LTBP1: variants seen among roughly 807,000 people sequenced by gnomAD.
The protein encoded by LTBP1 is latent-transforming growth factor beta-binding protein 1.
LTBP1 carries 129 observed loss-of-function variants against 207.6 expected under a neutral mutation model. The ratio of observed to expected loss-of-function variants is 0.62; its 90% CI spans 0.54 to 0.72. The LOEUF (loss-of-function observed/expected upper bound fraction) is 0.72. LTBP1 is among the 30% of genes least tolerant of loss of function. LTBP1 has a pLI of 0.00. For missense variants in LTBP1, 2,281 were observed against 2,217.2 expected, an observed-to-expected ratio of 1.03 and a Z score of -0.58; for synonymous variants, 963 against 833.7, an observed-to-expected ratio of 1.16 and a Z score of -2.67.
At chr2:33,179,815 T>C (rs2086437391) in intron 5 of LTBP1, among the ~76,000 whole-genome samples, 1 of 152,182 alleles carries the variant, frequency 6.6e-6, no homozygotes, top group African/African-American at 2.4e-5. Context: ...GATTCAGATC[T>C]GCCTGGGTCC....
intron 2 of LTBP1, among the ~76,000 whole-genome samples, chr2:32,959,499 A>G (rs150024358): frequency 1.3e-3 from 198 of 149,482 alleles, no homozygotes; most frequent in East Asian, 4.5e-3. Context: ...GACAATTCCA[A>G]TGTGGCTTTT....
chr2:32,947,565 T>C lies in LTBP1; in HGVS notation c.241T>C (p.Ser81Pro), dbSNP rs1480139862. 13 of 1,347,666 alleles carry C rather than the reference T, an allele frequency of 9.6e-6. No homozygotes were observed. Among genetic ancestry groups the C allele is most frequent in the Non-Finnish European group, 1.1e-5 (12 of 1,052,900 alleles). 83.5% of individuals were successfully genotyped at this position (1,347,666 alleles called of 1,614,324 possible). A position where few individuals can be genotyped will look rare whatever the true frequency, so the allele number is the denominator to read the frequency against. Reference sequence around the variant, plus strand: ...CAGCCGTGCCTCCCCCGGGGTCCCCTCGGAGAGGACCCGGCGCACGAGCAA... The same window carrying C: ...CAGCCGTGCCTCCCCCGGGGTCCCCCCGGAGAGGACCCGGCGCACGAGCAA... ...APSRASPGVP[S>P]ERTRRTSKPG... The change falls in exon 1 of 34, where the codon TCG (serine) becomes CCG (proline). Residue 81 changes from serine (S) to proline (P), a missense_variant. Around this residue, in one of 3 missense-constraint regions of LTBP1, gnomAD observed 555 missense variants for 491.0 expected, o/e 1.13. Transcript: ENST00000404816.
chr2:33,389,231 C>T lies in LTBP1; in HGVS notation c.4759C>T (p.Pro1587Ser). The change falls in exon 32 of 34, where the codon CCA becomes TCA. Residue 1587 changes from proline to serine, a missense_variant. Pro to Ser is a moderately conservative substitution (Grantham distance 74). Transcript: ENST00000404816. ...CATCCCCGTGACGGGACGCCGGCAG[C>T]CATATGGACGGGACGCCTTGGTTGA... ...CNIPVTGRRQPYGRDALVDFS... is the reference protein window; with the variant it reads ...CNIPVTGRRQSYGRDALVDFS... 6.2e-7 allele frequency: 1 copy of T among 1,614,080 alleles called. No homozygotes were observed.
intron 2 of LTBP1, among the ~76,000 whole-genome samples, chr2:33,008,984 C>T (rs988204160): frequency 1.3e-5 from 2 of 152,092 alleles, no homozygotes; most frequent in African/African-American, 4.8e-5. Context: ...CAAGGGAGTG[C>T]AAGGAAATGA....
At chr2:33,047,831 G>A (rs1170293923) in intron 3 of LTBP1, among the ~76,000 whole-genome samples, 1 of 152,102 alleles carries the variant, frequency 6.6e-6, no homozygotes, top group Admixed American at 6.5e-5. Context: ...AGGTTAGTTA[G>A]CTCTTCTTGT....
intron 2 of LTBP1, among the ~76,000 whole-genome samples, chr2:32,957,018 A>G (rs1240774956): frequency 6.6e-6 from 1 of 152,246 alleles, no homozygotes; most frequent in Admixed American, 6.5e-5. Context: ...TCAGTTAACC[A>G]TGCTGTAAAC....
intron 4 of LTBP1, among the ~76,000 whole-genome samples, chr2:33,121,656 C>T (rs1187044504): frequency 6.6e-6 from 1 of 152,200 alleles, no homozygotes; most frequent in Non-Finnish European, 1.5e-5. Flanking sequence ...CTGGCTGGAG[C>T]GCGCATCTGC....
intron 24 of LTBP1, among the ~76,000 whole-genome samples, chr2:33,321,754 G>A (rs921955080): frequency 1.3e-5 from 2 of 152,130 alleles, no homozygotes; most frequent in African/African-American, 2.4e-5. Context: ...AAGAGTTTTC[G>A]GGTCTGAAAC....
At chr2:33,352,454 A>G (rs2094794900) in intron 26 of LTBP1, among the ~76,000 whole-genome samples, 1 of 152,164 alleles carries the variant, frequency 6.6e-6, no homozygotes, top group Non-Finnish European at 1.5e-5. Flanking sequence ...ATTGCTAGAC[A>G]TCGATACTAG....
intron 5 of LTBP1, among the ~76,000 whole-genome samples, chr2:33,146,707 C>T (rs1481784637): frequency 1.3e-5 from 2 of 152,130 alleles, no homozygotes; most frequent in East Asian, 3.9e-4. Context: ...GGGAAGCAGG[C>T]ACATCTTACA....
intron 3 of LTBP1, among the ~76,000 whole-genome samples, chr2:33,090,638 A>C (rs1337003896): frequency 1.3e-5 from 2 of 152,142 alleles, no homozygotes; most frequent in Admixed American, 6.5e-5. Flanking sequence ...TGGTTGTGTA[A>C]CTAGGGGGTA....
intron 5 of LTBP1, among the ~76,000 whole-genome samples, chr2:33,149,346 T>A (rs745391969): frequency 1.4e-4 from 22 of 152,090 alleles, no homozygotes; most frequent in Non-Finnish European, 2.9e-4. Context: ...GCAGCCTTCT[T>A]TCCATTGCCA....
At chr2:33,197,690 A>G (rs1337752662) in intron 7 of LTBP1, among the ~76,000 whole-genome samples, 1 of 152,188 alleles carries the variant, frequency 6.6e-6, no homozygotes, top group African/African-American at 2.4e-5. Flanking sequence ...GTTCCTGGAA[A>G]CAAACATGTA....
intron 7 of LTBP1, among the ~76,000 whole-genome samples, chr2:33,192,256 G>T (rs1297642554): frequency 6.6e-6 from 1 of 152,282 alleles, no homozygotes; most frequent in African/African-American, 2.4e-5. Context: ...GTGTCAGGAA[G>T]CCCCTTTGAC....
At chr2:33,364,681 G>C (rs2094963318) in intron 30 of LTBP1, among the ~76,000 whole-genome samples, 1 of 152,172 alleles carries the variant, frequency 6.6e-6, no homozygotes, top group Non-Finnish European at 1.5e-5. Context: ...AAGATAATTA[G>C]GTGCACTCAG....
intron 20 of LTBP1, 65 bp downstream of exon 20, chr2:33,293,347 T>C: frequency 1.3e-6 from 2 of 1,489,786 alleles, no homozygotes; most frequent in East Asian, 4.8e-5. Flanking sequence ...TTAGAGCAAT[T>C]AGCCTTAGAA....
rs143062864 is a variant in LTBP1, at chr2:33,351,218, A to G, written c.4000+3708A>G. ...TCCTAGACTTCTGCATTTAGAAACC[A>G]CCTTAGTGATTTTCCAGCTCAACTT... On this transcript the variant is annotated intron_variant, in intron 26 of 33. Coordinates refer to ENST00000404816, the MANE Select transcript of LTBP1 (RefSeq NM_206943.4). Among the ~76,000 whole-genome samples the G allele has an allele frequency of 6.8e-4, 104 of 152,256 alleles. 2 individuals are homozygous for G. The East Asian group carries it at 0.016, about 23-fold the overall frequency.
At chr2:33,102,418 C>T (rs2079791013) in intron 3 of LTBP1, among the ~76,000 whole-genome samples, 1 of 152,164 alleles carries the variant, frequency 6.6e-6, no homozygotes, top group Non-Finnish European at 1.5e-5. Flanking sequence ...GAAGCAAATA[C>T]AGCCCCTGGT....
chr2:33,101,386 C>T (rs1423996787), intron 3 of LTBP1, among the ~76,000 whole-genome samples: 6 of 152,138 alleles, frequency 3.9e-5, no homozygotes, highest in East Asian at 3.9e-4. Flanking sequence ...TTTGTTTTGT[C>T]GTTATTGGAA....
Sources: gnomAD v4.1 joint callset for allele counts (sites outside exome capture counted in the v4.1 genomes callset) on GRCh38, gnomAD v4.1.1 for gene constraint, gnomAD v4.1.1 regional missense constraint, MANE v1.5 for transcripts, NCBI Gene and HGNC (gene_info 2026-07-23, HGNC 2026-07-21) for gene names.